NR1H4: variants seen among roughly 807,000 people sequenced by gnomAD.
The protein encoded by NR1H4 is nuclear receptor subfamily 1 group H member 4.
Under a neutral mutation model 58.5 loss-of-function variants are expected in NR1H4, and 23 were observed. The ratio of observed to expected loss-of-function variants is 0.39; its 90% confidence interval spans 0.28 to 0.56. The LOEUF is 0.56. Ranked by LOEUF, NR1H4 falls within the 20% of genes least tolerant of loss-of-function variation. The probability of loss-of-function intolerance (pLI) is 0.58; values close to 1 mark genes in which losing one functional copy is unlikely to be tolerated. For synonymous variants in NR1H4, 214 were observed against 198.0 expected, an observed-to-expected ratio of 1.08 and a Z score of -0.68; for missense variants, 487 against 576.9, an observed-to-expected ratio of 0.84 and a Z score of 1.60.
At chr12:100,505,766 A>G in intron 3 of NR1H4, 1 of 530,666 alleles carries the variant, frequency 1.9e-6, no homozygotes, top group Non-Finnish European at 3.3e-6. Flanking sequence ...ATAGAAATAA[A>G]TTTACCTTTT....
rs371932662 is a variant in NR1H4 at position 100,563,417 on chromosome 12, G to A, written c.1359G>A (p.Glu453=). The A allele has an allele frequency of 6.2e-7, 1 of 1,614,172 alleles. No individual in the cohort carries two copies. The highest frequency in any genetic ancestry group is 1.7e-5 in the Admixed American group (1 of 60,022). The change falls in exon 11 of 11, where the codon GAG becomes GAA. Residue 453 remains glutamate, a synonymous_variant. Coordinates refer to ENST00000392986, the MANE Select transcript of NR1H4 (RefSeq NM_001206979.2). ...ELRTFNHHHA[E]MLMSWRVNDH... is the part of the protein sequence containing the mutation. ...GGACATTCAATCATCACCACGCTGA[G>A]ATGCTGATGTCATGGAGAGTAAACG...
rs540464668 is a variant in NR1H4 at position 100,562,114 on chromosome 12, A to G, written c.1192+116A>G. ...ATATAAAGAAAAAGTAAAGTAGCCT[A>G]TAATTCTGCTATCCAAATAGAACCA... On this transcript the variant is annotated intron_variant, in intron 10 of 10. Coordinates refer to ENST00000392986, the MANE Select transcript of NR1H4 (RefSeq NM_001206979.2). 2.1e-4 allele frequency: 134 copies of G among 644,630 alleles called. No individual in the cohort carries two copies. In the South Asian group the frequency reaches 2.2e-3, roughly 10 times the overall value. 39.9% of individuals were successfully genotyped at this position (644,630 alleles called of 1,614,324 possible).
At chr12:100,504,392 C>G (rs555897642) in intron 3 of NR1H4, among the ~76,000 whole-genome samples, 1 of 151,934 alleles carries the variant, frequency 6.6e-6, no homozygotes, top group Admixed American at 6.6e-5. Flanking sequence ...TAAAAGTGAC[C>G]GACACTGTAT....
At chr12:100,503,540 C>T (rs745794005) in intron 3 of NR1H4, 2 of 1,520,630 alleles carry the variant, frequency 1.3e-6, no homozygotes, top group South Asian at 1.3e-5. Context: ...GCTCTTGCAA[C>T]TGGACTGAGG....
At chr12:100,524,474 A>G (rs17030270) in intron 4 of NR1H4, among the ~76,000 whole-genome samples, 5,798 of 152,206 alleles carry the variant, frequency 0.038, 388 homozygotes, top group East Asian at 0.29. Context: ...TTAAATGGTC[A>G]CTGAAGGTAT....
chr12:100,546,103 C>T (rs1037213758), intron 9 of NR1H4, among the ~76,000 whole-genome samples: 7 of 152,160 alleles, frequency 4.6e-5, no homozygotes, highest in Non-Finnish European at 8.8e-5. Context: ...GAAAGTGTGT[C>T]CTCAGCACTC....
At chr12:100,535,493 T>C (rs1217128964) in intron 6 of NR1H4, among the ~76,000 whole-genome samples, 1 of 152,220 alleles carries the variant, frequency 6.6e-6, no homozygotes, top group Non-Finnish European at 1.5e-5. Flanking sequence ...AGAAATCCAT[T>C]GAGCAACTTA....
Position 100,540,810 on chromosome 12 carries a change from G to A in NR1H4, c.1070G>A (p.Arg357Gln), listed in dbSNP as rs762904675. ...GHSDLLEERI[R>Q]NSGISDEYIT... ...TCTGACCTATTGGAAGAAAGAATTCGAAATAGTGGTAAGTGATTTGGCTAA... is the reference window on the plus strand; with the variant it reads ...TCTGACCTATTGGAAGAAAGAATTCAAAATAGTGGTAAGTGATTTGGCTAA... Residue 357 changes from arginine (R) to glutamine (Q), a missense_variant, in exon 9 of 11, where the codon CGA becomes CAA. Physicochemically the swap from Arg to Gln is conservative, Grantham distance 43. Coordinates refer to ENST00000392986, the MANE Select transcript of NR1H4 (RefSeq NM_001206979.2). 6.8e-6 allele frequency: 11 copies of A among 1,613,982 alleles called. No individual in the cohort carries two copies. The highest frequency in any genetic ancestry group is 1.3e-5 in the African/African-American group (1 of 74,944).
chr12:100,488,691 G>C (rs542959877), intron 1 of NR1H4, among the ~76,000 whole-genome samples: 4 of 152,146 alleles, frequency 2.6e-5, no homozygotes, highest in Non-Finnish European at 5.9e-5. Context: ...GTTTCCAGCT[G>C]TTAAAGAATA....
intron 1 of NR1H4, among the ~76,000 whole-genome samples, chr12:100,489,370 G>A (rs750421258): frequency 5.3e-5 from 8 of 152,270 alleles, no homozygotes; most frequent in Middle Eastern, 3.4e-3. Context: ...TTTCTGAACC[G>A]TGCAGTCTTG....
At chr12:100,525,701 A>T (rs1379248734) in intron 4 of NR1H4, among the ~76,000 whole-genome samples, 1 of 152,242 alleles carries the variant, frequency 6.6e-6, no homozygotes, top group Non-Finnish European at 1.5e-5. Context: ...AAAAGATTGT[A>T]CAGAATTGGT....
chr12:100,563,488 G>A lies in NR1H4; in HGVS notation c.1430G>A (p.Ter477=), dbSNP rs745584935. The stretch of plus-strand genomic sequence containing the variant: ...CTCTGTGAAATCTGGGACGTGCAGT[G>A]ATGGGGATTACAGGGGAGGGGTCTA... ...PLLCEIWDVQ[*] The change falls in exon 11 of 11, where the codon TGA becomes TAA. Residue 477 remains the stop codon, a stop_retained_variant. Transcript: ENST00000392986. 6.2e-7 allele frequency: 1 copy of A among 1,611,298 alleles called. No individual in the cohort carries two copies. Among genetic ancestry groups the A allele is most frequent in the East Asian group, 2.2e-5 (1 of 44,870 alleles).
At chr12:100,563,127 A>G (rs1955512112) in intron 10 of NR1H4, 124 bp from the exon 11 acceptor site, 1 of 787,242 alleles carries the variant, frequency 1.3e-6, no homozygotes, top group Admixed American at 2.2e-5. Flanking sequence ...TTGAACACTT[A>G]ATTTTCACAT....
At position 100,532,439 on chromosome 12, in the gene NR1H4, T is replaced by C. The variant is rs781668899; in HGVS notation, c.446-19T>C. 4.6e-5 allele frequency: 74 copies of C among 1,613,558 alleles called. No homozygotes were observed. Among genetic ancestry groups the C allele is most frequent in the Non-Finnish European group, 4.9e-5 (58 of 1,179,632 alleles). On this transcript the variant is annotated intron_variant, in intron 4 of 10. Coordinates refer to ENST00000392986, the MANE Select transcript of NR1H4 (RefSeq NM_001206979.2). ...AGCTGTGAGAGGACTTTTTACACTT[T>C]TCAGTGTTTCTCCCACAGGTTTCTT...
At chr12:100,520,706 C>T (rs892347037) in intron 4 of NR1H4, among the ~76,000 whole-genome samples, 5 of 152,212 alleles carry the variant, frequency 3.3e-5, no homozygotes, top group African/African-American at 4.8e-5. Context: ...ACTCCACAAT[C>T]CCGCTTACCA....
intron 9 of NR1H4, among the ~76,000 whole-genome samples, chr12:100,548,602 G>C (rs990903344): frequency 6.6e-6 from 1 of 151,942 alleles, no homozygotes; most frequent in Non-Finnish European, 1.5e-5. Context: ...GCAACTATCC[G>C]GTAGCAATGG....
intron 3 of NR1H4, among the ~76,000 whole-genome samples, chr12:100,501,013 G>T (rs558352405): frequency 6.6e-6 from 1 of 152,006 alleles, no homozygotes; most frequent in Non-Finnish European, 1.5e-5. Context: ...ATATGAGACA[G>T]TTGATCATCT....
intron 6 of NR1H4, among the ~76,000 whole-genome samples, chr12:100,535,791 A>C (rs771987811): frequency 6.6e-6 from 1 of 152,202 alleles, no homozygotes; most frequent in Non-Finnish European, 1.5e-5. Flanking sequence ...GAAAACAAAG[A>C]GTTGACATAA....
chr12:100,484,846 A>C (rs1181500149), intron 1 of NR1H4, among the ~76,000 whole-genome samples: 1 of 152,148 alleles, frequency 6.6e-6, no homozygotes, highest in Non-Finnish European at 1.5e-5. Flanking sequence ...GGTTCCCCAA[A>C]CATTTTATGG....
Sources: allele counts gnomAD v4.1 joint callset (sites outside exome capture counted in the v4.1 genomes callset), GRCh38; gene constraint gnomAD v4.1.1; transcripts MANE v1.5; gene names NCBI Gene and HGNC (gene_info 2026-07-23, HGNC 2026-07-21).